Variants in ZNF614 observed in about 807,000 individuals in gnomAD.
The protein encoded by ZNF614 is zinc finger protein 614.
Under a neutral mutation model 12.8 loss-of-function variants are expected in ZNF614, and 11 were observed. The ratio of observed to expected loss-of-function variants is 0.86; its 90% CI spans 0.54 to 1.43. The LOEUF (loss-of-function observed/expected upper bound fraction) is 1.43, where lower values mean the gene tolerates loss of function less well. Among genes scored for constraint, ZNF614 ranks in the 40% most tolerant of loss-of-function variants. The pLI is 0.00. For synonymous variants in ZNF614, 237 were observed against 237.5 expected (o/e 1.00, Z 0.02); for missense variants, 664 against 708.8 (o/e 0.94, Z 0.72).
intron 1 of ZNF614, among the ~76,000 whole-genome samples, chr19:52,026,384 G>A (rs956809886): frequency 1.3e-5 from 2 of 152,224 alleles, no homozygotes; most frequent in African/African-American, 4.8e-5. Context: ...TTGACTCAAG[G>A]TTTAATGGAT....
chr19:52,027,777 T>C (rs1052318859), intron 1 of ZNF614, among the ~76,000 whole-genome samples: 1 of 152,126 alleles, frequency 6.6e-6, no homozygotes, highest in Admixed American at 6.5e-5. Context: ...ACAATAATAA[T>C]TGAAGACTAC....
chr19:52,023,469 T>C (rs1446061355), intron 2 of ZNF614, among the ~76,000 whole-genome samples: 1 of 152,142 alleles, frequency 6.6e-6, no homozygotes, highest in Non-Finnish European at 1.5e-5. Context: ...TTATAGAACT[T>C]ACTCTCCAGT....
chr19:52,027,519 G>C (rs2086983043), intron 1 of ZNF614, among the ~76,000 whole-genome samples: 1 of 152,172 alleles, frequency 6.6e-6, no homozygotes, highest in Non-Finnish European at 1.5e-5. Context: ...TTTACTGTGG[G>C]AGACCTTGGA....
chr19:52,024,242 T>C (rs1411286900), intron 2 of ZNF614, among the ~76,000 whole-genome samples: 3 of 152,168 alleles, frequency 2.0e-5, no homozygotes, highest in Admixed American at 2.0e-4. Context: ...AGCAGATGAA[T>C]AGATCTGAGA....
At chr19:52,019,348 G>A (rs1244825505) in intron 2 of ZNF614, among the ~76,000 whole-genome samples, 1 of 152,200 alleles carries the variant, frequency 6.6e-6, no homozygotes, top group Non-Finnish European at 1.5e-5. Context: ...AAGACCTAGT[G>A]TATGCCCACT....
intron 1 of ZNF614, among the ~76,000 whole-genome samples, chr19:52,026,865 A>ACAGC (rs1353502361): frequency 7.2e-5 from 11 of 152,322 alleles, no homozygotes; most frequent in African/African-American, 2.4e-4. Flanking sequence ...ACATCAAGGC[A>ACAGC]CAGCACGTTT....
Position 52,016,305 on chromosome 19 carries a change from T to G in ZNF614, c.1293A>C (p.Glu431Asp). The change falls in exon 5 of 5, where the codon GAA becomes GAC. Residue 431 changes from glutamate to aspartate, a missense_variant. Glu to Asp is a conservative substitution (Grantham distance 45). Coordinates refer to ENST00000270649, the MANE Select transcript of ZNF614 (RefSeq NM_025040.4). ...HTGEKSYICN[E>D]CGKGFTTKRT... ...GCTTTGTGGTGAAGCCTTTACCACA[T>G]TCATTGCATATGTAAGATTTCTCTC... 1 of 1,614,130 alleles carries G rather than the reference T, an allele frequency of 6.2e-7. No individual in the cohort carries two copies. Among genetic ancestry groups the G allele is most frequent in the Non-Finnish European group, 8.5e-7 (1 of 1,179,988 alleles).
chr19:52,023,950 T>G (rs114552556), intron 2 of ZNF614, among the ~76,000 whole-genome samples: 2,814 of 152,168 alleles, frequency 0.018, 83 homozygotes, highest in African/African-American at 0.061. Context: ...GGAGAGGTGA[T>G]GGAAATTGAG....
Position 52,016,042 on chromosome 19 carries a change from G to A in ZNF614, c.1556C>T (p.Ala519Val). Residue 519 changes from alanine (A) to valine (V), a missense_variant, in exon 5 of 5, where the codon GCC (alanine) becomes GTC (valine). Transcript: ENST00000270649. ...KPYECNECGK[A>V]FTTKSVLNVH... ...ATTGAGTACTGACTTTGTGGTGAAG[G>A]CTTTTCCACATTCATTGCACTCATA... 1 of 1,613,924 alleles carries A rather than the reference G, an allele frequency of 6.2e-7. No homozygotes were observed. Among genetic ancestry groups the A allele is most frequent in the Non-Finnish European group, 8.5e-7 (1 of 1,179,960 alleles).
Position 52,017,028 on chromosome 19 carries a change from G to T in ZNF614, c.570C>A (p.Phe190Leu). The change falls in exon 5 of 5, where the codon TTC (phenylalanine) becomes TTA (leucine). Residue 190 changes from phenylalanine to leucine, a missense_variant. Transcript: ENST00000270649. ...GAGTCCTCTGATGCTTGAAGACTTGGAATTTAGTATGGATACATTTTGCAT... is the reference window on the plus strand; with the variant it reads ...GAGTCCTCTGATGCTTGAAGACTTGTAATTTAGTATGGATACATTTTGCAT... Reference protein sequence around the residue: ...SENAKCIHTKFQVFKHQRTQK... With the variant: ...SENAKCIHTKLQVFKHQRTQK... 2 of 1,614,048 alleles carry T rather than the reference G, an allele frequency of 1.2e-6. No homozygotes were observed. The highest frequency in any genetic ancestry group is 1.7e-5 in the Admixed American group (1 of 60,018).
Position 52,016,572 on chromosome 19 carries a change from G to C in ZNF614, c.1026C>G (p.Pro342=), listed in dbSNP as rs369686981. The change falls in exon 5 of 5, where the codon CCC becomes CCG. Residue 342 remains proline (P), a synonymous_variant. Transcript: ENST00000270649. ...CTTTTCCACATTCACTGCATATATA[G>C]GGTTTCTCCCCTGTATGAGTTCGCT... ...VHQRTHTGEK[P]YICSECGKGF... 1.2e-5 allele frequency: 19 copies of C among 1,613,670 alleles called. No individual in the cohort carries two copies. Among genetic ancestry groups the C allele is most frequent in the Non-Finnish European group, 1.6e-5 (19 of 1,179,942 alleles).
In ZNF614 at chr19:52,015,828, T is replaced by C. The variant is rs1343976623; in HGVS notation, c.*12A>G. On this transcript the variant is annotated 3_prime_UTR_variant, in exon 5 of 5. Coordinates refer to ENST00000270649, the MANE Select transcript of ZNF614 (RefSeq NM_025040.4). ...TAGTCACGGCACTAGTAGGGTTTTC[T>C]TCTGCATGAGTTCACTTATAAGGAA... The C allele has an allele frequency of 5.0e-6, 8 of 1,590,674 alleles. No individual in the cohort carries two copies. The highest frequency in any genetic ancestry group is 3.5e-5 in the Admixed American group (2 of 56,640).
In ZNF614 at chr19:52,019,236, T is replaced by C. The variant is rs576380315; in HGVS notation, c.16-742A>G. Among the ~76,000 whole-genome samples, 33 of 152,194 alleles carry C rather than the reference T, an allele frequency of 2.2e-4. 1 individual carries two copies. The highest frequency in any genetic ancestry group is 4.3e-4 in the African/African-American group (18 of 41,508). On this transcript the variant is annotated intron_variant, in intron 2 of 4. Transcript: ENST00000270649. ...AGCATATTAGATACATTGAAGATTA[T>C]TGGTGAATTGGAATATATAAGTGGA...
rs138193623 is a variant in ZNF614, at chr19:52,022,233, C to G, written c.15+3498G>C. 3.1e-3 allele frequency among the ~76,000 whole-genome samples: 465 copies of G among 152,344 alleles called. 2 individuals carry two copies. Among genetic ancestry groups the G allele is most frequent in the African/African-American group, 0.011 (449 of 41,580 alleles). On this transcript the variant is annotated intron_variant, in intron 2 of 4. Transcript: ENST00000270649. Reference sequence around the variant, plus strand: ...AATTCAATTCTGACACTATCTTTGTCAGAATCCACAGATTTAAGGGTTCAA... The same window carrying G: ...AATTCAATTCTGACACTATCTTTGTGAGAATCCACAGATTTAAGGGTTCAA...
chr19:52,016,511 G>C lies in ZNF614; in HGVS notation c.1087C>G (p.Arg363Gly). ...TMKRYLVVHQ[R>G]THTGEKPYMC... is the part of the protein sequence containing the mutation. ...TAGGGTTTCTCTCCAGTATGAGTTC[G>C]CTGATGTACAACAAGATAGCGCTTC... The change falls in exon 5 of 5, where the codon CGA becomes GGA. Residue 363 changes from arginine to glycine, a missense_variant. By Grantham distance (125) the Arg-to-Gly change is moderately radical. Transcript: ENST00000270649. 1 of 1,613,964 alleles carries C rather than the reference G, an allele frequency of 6.2e-7. No homozygotes were observed. Among genetic ancestry groups the C allele is most frequent in the Non-Finnish European group, 8.5e-7 (1 of 1,179,920 alleles).
chr19:52,014,431 A>G lies in ZNF614; in HGVS notation c.*1409T>C, dbSNP rs2086884448. On this transcript the variant is annotated 3_prime_UTR_variant, in exon 5 of 5. Coordinates refer to ENST00000270649, the MANE Select transcript of ZNF614 (RefSeq NM_025040.4). ...TCCCCCACATCAGATGCCACTCACAAGGACAACCTGCAGTTCTGAATGGTG... is the reference window on the plus strand; with the variant it reads ...TCCCCCACATCAGATGCCACTCACAGGGACAACCTGCAGTTCTGAATGGTG... 6.6e-6 allele frequency: 1 copy of G among 152,242 alleles called. No homozygotes were observed. The highest frequency in any genetic ancestry group is 1.5e-5 in the Non-Finnish European group (1 of 68,054). The allele number at this position is 152,242 out of a possible 1,614,324, so 9.4% of individuals were successfully genotyped here.
In ZNF614 at chr19:52,015,631, T is replaced by G; in HGVS notation, c.*209A>C. ...CAGAAAATATGAGGTAAAAGACCACTAAAGGCACTACCTTATTTACTGTAT... is the reference window on the plus strand; with the variant it reads ...CAGAAAATATGAGGTAAAAGACCACGAAAGGCACTACCTTATTTACTGTAT... On this transcript the variant is annotated 3_prime_UTR_variant, in exon 5 of 5. Transcript: ENST00000270649. The G allele has an allele frequency of 2.0e-6, 1 of 502,372 alleles. No individual in the cohort carries two copies. The highest frequency in any genetic ancestry group is 3.2e-5 in the South Asian group (1 of 31,062). The allele number at this position is 502,372 out of a possible 1,614,324, so 31.1% of individuals were successfully genotyped here.
intron 2 of ZNF614, among the ~76,000 whole-genome samples, chr19:52,021,126 G>C (rs2086930535): frequency 6.8e-6 from 1 of 147,998 alleles, no homozygotes; most frequent in South Asian, 2.3e-4. Context: ...ACTAAAAGTG[G>C]GCTTTGACAA....
Position 52,016,546 on chromosome 19 carries a change from C to A in ZNF614, c.1052G>T (p.Gly351Val). The A allele has an allele frequency of 2.5e-6, 4 of 1,613,934 alleles. No individual in the cohort carries two copies. The highest frequency in any genetic ancestry group is 3.4e-6 in the Non-Finnish European group (4 of 1,179,920). ...KPYICSECGK[G>V]FTMKRYLVVH... ...AACAAGATAGCGCTTCATGGTGAAGCCTTTTCCACATTCACTGCATATATA... is the reference window on the plus strand; with the variant it reads ...AACAAGATAGCGCTTCATGGTGAAGACTTTTCCACATTCACTGCATATATA... The change falls in exon 5 of 5, where the codon GGC (glycine) becomes GTC (valine). Residue 351 changes from glycine to valine, a missense_variant. By Grantham distance (109) the Gly-to-Val change is moderately radical. Coordinates refer to ENST00000270649, the MANE Select transcript of ZNF614 (RefSeq NM_025040.4).
Sources: gnomAD v4.1 joint callset for allele counts (sites outside exome capture counted in the v4.1 genomes callset) on GRCh38, gnomAD v4.1.1 for gene constraint, MANE v1.5 for transcripts, NCBI Gene and HGNC (gene_info 2026-07-23, HGNC 2026-07-21) for gene names.